Variants in BAG4 observed in about 807,000 individuals in gnomAD.
The protein encoded by BAG4 is BAG family molecular chaperone regulator 4.
In BAG4, 28 loss-of-function variants were observed where a neutral mutation model predicts 52.1. That is an observed-to-expected ratio of 0.54 (90% CI 0.40 to 0.74). The LOEUF (loss-of-function observed/expected upper bound fraction) is 0.74, where lower values mean the gene tolerates loss of function less well. BAG4 is among the 30% of genes least tolerant of loss of function. BAG4 has a pLI of 0.00. For synonymous variants in BAG4, 208 were observed against 217.0 expected, an observed-to-expected ratio of 0.96 and a Z score of 0.37; for missense variants, 525 against 572.0, an observed-to-expected ratio of 0.92 and a Z score of 0.84.
At position 38,210,090 on chromosome 8, in the gene BAG4, C is replaced by T. The variant is rs748087187; in HGVS notation, c.971C>T (p.Ser324Leu). 1.2e-5 allele frequency: 19 copies of T among 1,614,016 alleles called. No homozygotes were observed. In the Admixed American group the frequency reaches 2.2e-4, roughly 18 times the overall value. Residue 324 changes from serine (S) to leucine (L), a missense_variant, in exon 5 of 5, where the codon TCG (serine) becomes TTG (leucine). Transcript: ENST00000287322. ...FPCSVHQYES[S>L]GTVNNDDSDL... Reference sequence around the variant, plus strand: ...TGCAGTGTCCATCAGTACGAATCCTCGGGGACAGTGAACAATGATGATTCA... The same window carrying T: ...TGCAGTGTCCATCAGTACGAATCCTTGGGGACAGTGAACAATGATGATTCA...
intron 1 of BAG4, among the ~76,000 whole-genome samples, chr8:38,188,822 C>T (rs1803418315): frequency 6.6e-6 from 1 of 151,994 alleles, no homozygotes. Context: ...GAGATGGAGC[C>T]TTGCTCTGTC....
At chr8:38,191,291 T>C (rs902639561) in intron 1 of BAG4, among the ~76,000 whole-genome samples, 1 of 152,204 alleles carries the variant, frequency 6.6e-6, no homozygotes, top group East Asian at 1.9e-4. Context: ...TTGATAATTA[T>C]GATTACTGAA....
intron 1 of BAG4, among the ~76,000 whole-genome samples, chr8:38,187,746 G>C (rs970269482): frequency 1.3e-5 from 2 of 151,928 alleles, no homozygotes; most frequent in Admixed American, 1.3e-4. Context: ...AGCCCAGCTG[G>C]GTGCTGTGGC....
chr8:38,209,846 T>G (rs1026362538), intron 4 of BAG4, among the ~76,000 whole-genome samples, 162 bp from the exon 5 acceptor site: 1 of 150,336 alleles, frequency 6.7e-6, no homozygotes, highest in Admixed American at 6.6e-5. Context: ...TTCTTAGGAC[T>G]GTGTTTTTTT....
At chr8:38,194,950 G>A (rs1803540182) in intron 2 of BAG4, among the ~76,000 whole-genome samples, 1 of 147,668 alleles carries the variant, frequency 6.8e-6, no homozygotes, top group African/African-American at 2.5e-5. Flanking sequence ...TGCCTCCCGG[G>A]TTCACGCCAT....
intron 4 of BAG4, 136 bp from the exon 5 acceptor site, chr8:38,209,872 G>T: frequency 2.5e-6 from 3 of 1,221,034 alleles, no homozygotes; most frequent in Non-Finnish European, 3.4e-6. Flanking sequence ...TGATTAAGGA[G>T]AGGGGTCCAA....
intron 2 of BAG4, among the ~76,000 whole-genome samples, chr8:38,196,949 C>T (rs1175332838): frequency 4.6e-5 from 7 of 151,892 alleles, no homozygotes; most frequent in Admixed American, 3.3e-4. Flanking sequence ...TGGTGGCAGG[C>T]GCTTGTAATC....
intron 2 of BAG4, among the ~76,000 whole-genome samples, chr8:38,203,272 T>G (rs1372152611): frequency 2.0e-5 from 3 of 150,766 alleles, no homozygotes; most frequent in African/African-American, 7.3e-5. Context: ...GAAACTGCAG[T>G]CTTGAGGAAT....
At chr8:38,191,760 C>CAAA (rs35851034) in intron 1 of BAG4, among the ~76,000 whole-genome samples, 35 of 72,428 alleles carry the variant, frequency 4.8e-4, no homozygotes, top group South Asian at 1.1e-3. Flanking sequence ...AACTCTGTCT[C>CAAA]AAAAAAAAAA....
At chr8:38,178,177 T>G in intron 1 of BAG4, among the ~76,000 whole-genome samples, 1 of 150,490 alleles carries the variant, frequency 6.6e-6, no homozygotes, top group African/African-American at 2.4e-5. Flanking sequence ...TTTTTTTGAG[T>G]TGGAGTCTCG....
chr8:38,184,791 A>G (rs1188733002), intron 1 of BAG4, among the ~76,000 whole-genome samples: 4 of 151,958 alleles, frequency 2.6e-5, no homozygotes, highest in Non-Finnish European at 5.9e-5. Context: ...AGAGCCAAGT[A>G]TAGAATGCTG....
intron 1 of BAG4, among the ~76,000 whole-genome samples, chr8:38,180,792 A>T (rs1803251131): frequency 6.6e-6 from 1 of 152,182 alleles, no homozygotes; most frequent in African/African-American, 2.4e-5. Context: ...ATTTATTAAG[A>T]TCCCCAGGTG....
intron 1 of BAG4, among the ~76,000 whole-genome samples, chr8:38,180,133 T>C (rs1202302019): frequency 6.6e-6 from 1 of 152,206 alleles, no homozygotes; most frequent in Non-Finnish European, 1.5e-5. Context: ...TTGTAAACCA[T>C]TTTAATAGTT....
chr8:38,186,428 T>G lies in BAG4; in HGVS notation c.271-6260T>G, dbSNP rs374229211. On this transcript the variant is annotated intron_variant, in intron 1 of 4. Coordinates refer to ENST00000287322, the MANE Select transcript of BAG4 (RefSeq NM_004874.4). Reference sequence around the variant, plus strand: ...GCTGTAAAACAGGTAGCTCCTAATCTTTTCCTAAAGGAACAAAGTATGGAG... The same window carrying G: ...GCTGTAAAACAGGTAGCTCCTAATCGTTTCCTAAAGGAACAAAGTATGGAG... 2.0e-4 allele frequency among the ~76,000 whole-genome samples: 31 copies of G among 152,234 alleles called. 1 individual carries two copies. The South Asian group carries it at 6.0e-3, about 30-fold the overall frequency.
chr8:38,194,522 T>G (rs934636527), intron 2 of BAG4, among the ~76,000 whole-genome samples: 1 of 150,760 alleles, frequency 6.6e-6, no homozygotes. Context: ...GTTCAAATGA[T>G]TCTCCGCCTC....
intron 3 of BAG4, 93 bp downstream of exon 3, chr8:38,207,859 A>G (rs1389815399): frequency 1.4e-6 from 2 of 1,430,448 alleles, no homozygotes; most frequent in Non-Finnish European, 1.9e-6. Flanking sequence ...TGCTGATTTA[A>G]TAAGACACTT....
intron 1 of BAG4, among the ~76,000 whole-genome samples, chr8:38,184,160 T>G (rs973290409): frequency 3.3e-5 from 5 of 152,072 alleles, no homozygotes; most frequent in African/African-American, 1.2e-4. Context: ...GTTGGAGTGA[T>G]TATAGCCAGG....
intron 1 of BAG4, among the ~76,000 whole-genome samples, chr8:38,188,568 C>A (rs147884955): frequency 1.3e-5 from 2 of 150,250 alleles, no homozygotes; most frequent in East Asian, 3.9e-4. Context: ...CATATAAATA[C>A]ATATATATAC....
In BAG4 at chr8:38,209,905, C is replaced by T. The variant is rs1803838044; in HGVS notation, c.889-103C>T. On this transcript the variant is annotated intron_variant, in intron 4 of 4. Coordinates refer to ENST00000287322, the MANE Select transcript of BAG4 (RefSeq NM_004874.4). ...CAATTTTATTGTTAGGGAATCTTTTCATGTACCTTTCTGGTCAAGTGAAAG... is the reference window on the plus strand; with the variant it reads ...CAATTTTATTGTTAGGGAATCTTTTTATGTACCTTTCTGGTCAAGTGAAAG... 2.8e-6 allele frequency: 4 copies of T among 1,444,070 alleles called. No individual in the cohort carries two copies. In the African/African-American group the frequency reaches 5.7e-5, roughly 21 times the overall value. The allele number at this position is 1,444,070 out of a possible 1,614,324, so 89.5% of individuals were successfully genotyped here.
Sources: allele counts gnomAD v4.1 joint callset (sites outside exome capture counted in the v4.1 genomes callset), GRCh38; gene constraint gnomAD v4.1.1; transcripts MANE v1.5; gene names NCBI Gene and HGNC (gene_info 2026-07-23, HGNC 2026-07-21).